The following FRMPD1 variants were observed in gnomAD, a reference collection of about 807,000 sequenced individuals.
FRMPD1 encodes FERM and PDZ domain-containing protein 1.
Under a neutral mutation model 117.8 loss-of-function variants are expected in FRMPD1, and 76 were observed. The ratio of observed to expected loss-of-function variants is 0.65; its 90% CI spans 0.54 to 0.78. FRMPD1 has a LOEUF of 0.78. FRMPD1 is among the 30% of genes least tolerant of loss of function. The pLI, the probability that FRMPD1 is intolerant of heterozygous loss-of-function variation, is 0.00. For synonymous variants in FRMPD1, 783 were observed against 770.4 expected (o/e 1.02, Z -0.27); for missense variants, 1,786 against 1,964.5 (o/e 0.91, Z 1.72).
At chr9:37,642,739 A>G in the FRMPD1 span, among the ~76,000 whole-genome samples, 1 of 152,174 alleles carries the variant, frequency 6.6e-6, no homozygotes, top group African/African-American at 2.4e-5. Context: ...ATATTTTTAA[A>G]TATCCATTCT....
chr9:37,618,012 C>A, the FRMPD1 span, among the ~76,000 whole-genome samples: 1 of 152,138 alleles, frequency 6.6e-6, no homozygotes, highest in African/African-American at 2.4e-5. Context: ...AAGGGTGGGG[C>A]AGCCCCAGCT....
intron 1 of FRMPD1, among the ~76,000 whole-genome samples, chr9:37,685,519 G>GC (rs1439590041): frequency 6.6e-6 from 1 of 152,088 alleles, no homozygotes; most frequent in Non-Finnish European, 1.5e-5. Flanking sequence ...GGGCGTGGTG[G>GC]CGGGCGCCTG....
At chr9:37,628,297 G>A in the FRMPD1 span, among the ~76,000 whole-genome samples, 1 of 152,146 alleles carries the variant, frequency 6.6e-6, no homozygotes. Flanking sequence ...CTGTGATAAT[G>A]GATGAGGCAG....
intron 2 of FRMPD1, among the ~76,000 whole-genome samples, chr9:37,698,664 A>C (rs1555848): frequency 0.35 from 50,884 of 145,876 alleles, 9,344 homozygotes; most frequent in Non-Finnish European, 0.43. Context: ...TGGGTTCAAG[A>C]GATTCTCCTG....
chr9:37,724,871 C>T (rs996744784), intron 7 of FRMPD1, among the ~76,000 whole-genome samples: 23 of 152,158 alleles, frequency 1.5e-4, no homozygotes, highest in African/African-American at 5.3e-4. Flanking sequence ...GCTTGATTGT[C>T]CAAGGCAGGA....
intron 1 of FRMPD1, among the ~76,000 whole-genome samples, chr9:37,656,886 G>A (rs1317807513): frequency 1.3e-5 from 2 of 151,862 alleles, no homozygotes; most frequent in African/African-American, 4.8e-5. Context: ...TTCCCAAGCT[G>A]GCTGCTAAAT....
intron 2 of FRMPD1, among the ~76,000 whole-genome samples, chr9:37,707,007 T>C (rs1356563055): frequency 6.6e-6 from 1 of 152,162 alleles, no homozygotes; most frequent in Non-Finnish European, 1.5e-5. Flanking sequence ...GCAGCAGTTA[T>C]TGAATATCTT....
the FRMPD1 span, among the ~76,000 whole-genome samples, chr9:37,616,782 G>A: frequency 6.6e-6 from 1 of 152,114 alleles, no homozygotes; most frequent in African/African-American, 2.4e-5. Context: ...AGAACAACAG[G>A]ATTAGACAGA....
chr9:37,649,619 T>A (rs1233912564), upstream of FRMPD1, among the ~76,000 whole-genome samples: 1 of 152,208 alleles, frequency 6.6e-6, no homozygotes, highest in African/African-American at 2.4e-5. Flanking sequence ...CCAGACGATG[T>A]TGGCTCCAAA....
upstream of FRMPD1, among the ~76,000 whole-genome samples, chr9:37,650,273 C>T (rs1353574935): frequency 6.6e-6 from 1 of 152,138 alleles, no homozygotes; most frequent in Non-Finnish European, 1.5e-5. Context: ...GTGGGTGAGA[C>T]GGCTCAGGGG....
chr9:37,631,766 A>G, the FRMPD1 span, among the ~76,000 whole-genome samples: 1 of 152,012 alleles, frequency 6.6e-6, no homozygotes, highest in Non-Finnish European at 1.5e-5. Flanking sequence ...ACCACACCCA[A>G]CTAATATTTA....
At chr9:37,654,881 A>T (rs1042068430) in intron 1 of FRMPD1, among the ~76,000 whole-genome samples, 1 of 152,216 alleles carries the variant, frequency 6.6e-6, no homozygotes, top group African/African-American at 2.4e-5. Flanking sequence ...TTTCACTTGC[A>T]GGATCAGGCC....
the FRMPD1 span, among the ~76,000 whole-genome samples, chr9:37,626,954 G>T: frequency 1.3e-5 from 2 of 152,206 alleles, no homozygotes; most frequent in Non-Finnish European, 2.9e-5. Flanking sequence ...TGCTTTGCAA[G>T]TGATTGTAAG....
intron 7 of FRMPD1, among the ~76,000 whole-genome samples, chr9:37,725,428 T>C (rs1217903785): frequency 6.6e-6 from 1 of 152,188 alleles, no homozygotes; most frequent in East Asian, 1.9e-4. Context: ...CACACACATC[T>C]GCACAGTACA....
intron 14 of FRMPD1, among the ~76,000 whole-genome samples, chr9:37,738,512 G>A (rs1005720960): frequency 1.1e-4 from 16 of 151,970 alleles, no homozygotes; most frequent in Admixed American, 3.3e-4. Flanking sequence ...GCTAATTTTT[G>A]TACATTAGTA....
At chr9:37,658,860 A>ATTATTTAT (rs753674731) in intron 1 of FRMPD1, among the ~76,000 whole-genome samples, 1 of 151,964 alleles carries the variant, frequency 6.6e-6, no homozygotes, top group African/African-American at 2.4e-5. Context: ...GGGACTTGGA[A>ATTATTTAT]TTATTTATTT....
At chr9:37,664,300 TG>T (rs1821091103) in intron 1 of FRMPD1, among the ~76,000 whole-genome samples, 2 of 148,714 alleles carry the variant, frequency 1.3e-5, no homozygotes, top group South Asian at 2.2e-4. Context: ...TATGTATGTA[TG>T]TATGTATTTA....
At chr9:37,664,491 C>A (rs988713845) in intron 1 of FRMPD1, among the ~76,000 whole-genome samples, 1 of 151,926 alleles carries the variant, frequency 6.6e-6, no homozygotes, top group Non-Finnish European at 1.5e-5. Flanking sequence ...CCCCGACAGG[C>A]CCCGGTGTGT....
At chr9:37,685,938 T>A (rs1821925434) in intron 1 of FRMPD1, among the ~76,000 whole-genome samples, 1 of 152,268 alleles carries the variant, frequency 6.6e-6, no homozygotes, top group South Asian at 2.1e-4. Context: ...TTTGTATCCC[T>A]TTTGAAGGGT....
Sources: allele counts gnomAD v4.1 joint callset (sites outside exome capture counted in the v4.1 genomes callset), GRCh38; gene constraint gnomAD v4.1.1; transcripts MANE v1.5; gene names NCBI Gene and HGNC (gene_info 2026-07-23, HGNC 2026-07-21).